Variants in STK32B observed in about 807,000 individuals in gnomAD.
STK32B encodes the protein serine/threonine kinase 32B, also known as serine/threonine-protein kinase 32B.
Under a neutral mutation model 52.6 loss-of-function variants are expected in STK32B, and 43 were observed. The observed-to-expected ratio is 0.82, with a 90% CI of 0.64 to 1.05. STK32B has a LOEUF of 1.05. Ranked by LOEUF, STK32B falls within the 50% of genes least tolerant of loss-of-function variation. The pLI, the probability that STK32B is intolerant of heterozygous loss-of-function variation, is 0.00. For missense variants in STK32B, 621 were observed against 534.6 expected (o/e 1.16, Z -1.59); for synonymous variants, 238 against 204.3 (o/e 1.17, Z -1.41).
intron 4 of STK32B, among the ~76,000 whole-genome samples, chr4:5,361,417 G>C (rs529708547): frequency 6.6e-6 from 1 of 151,988 alleles, no homozygotes; most frequent in Admixed American, 6.6e-5. Flanking sequence ...TGTCATCCAG[G>C]CTGGAGTGCA....
Position 5,489,499 on chromosome 4 carries a change from C to T in STK32B, c.1107-9446C>T, listed in dbSNP as rs541622573. On this transcript the variant is annotated intron_variant, in intron 11 of 11. Transcript: ENST00000282908. ...GGTTCATAGCCTTATGATCTGAAAA[C>T]ATAGAAAAAGCAAAATATAAAACTG... Among the ~76,000 whole-genome samples the T allele has an allele frequency of 1.2e-4, 19 of 152,098 alleles. No individual in the cohort carries two copies. In the South Asian group the frequency reaches 3.7e-3, roughly 30 times the overall value.
At chr4:5,309,966 G>T (rs1266626244) in intron 3 of STK32B, among the ~76,000 whole-genome samples, 5 of 152,140 alleles carry the variant, frequency 3.3e-5, no homozygotes. Flanking sequence ...AGGAATTTGA[G>T]ACCAGCCTGG....
At chr4:5,466,449 G>A (rs1349771369) in intron 9 of STK32B, among the ~76,000 whole-genome samples, 1 of 152,176 alleles carries the variant, frequency 6.6e-6, no homozygotes, top group Non-Finnish European at 1.5e-5. Context: ...GGCATAGAAA[G>A]GGGCCTAAGG....
chr4:5,333,797 C>CA (rs201130307), intron 4 of STK32B, among the ~76,000 whole-genome samples: 3,960 of 152,038 alleles, frequency 0.026, 170 homozygotes, highest in African/African-American at 0.09. Context: ...AGATATGCGG[C>CA]TTATTTCTGA....
chr4:5,386,356 A>G lies in STK32B; in HGVS notation c.435-11851A>G, dbSNP rs964957167. On this transcript the variant is annotated intron_variant, in intron 4 of 11. Transcript: ENST00000282908. The surrounding 1 kb of genome is among the most constrained non-coding windows in gnomAD (Gnocchi z 4.5). ...GCTGGTGTGAGTCCAGAGCCCATGC[A>G]TAGTGCAGGGTGGAAATGGTGGGCC... is the stretch of plus-strand genomic sequence containing the variant. Among the ~76,000 whole-genome samples the G allele has an allele frequency of 2.6e-5, 4 of 152,114 alleles. No individual in the cohort carries two copies. The highest frequency in any genetic ancestry group is 5.9e-5 in the Non-Finnish European group (4 of 68,018).
intron 7 of STK32B, among the ~76,000 whole-genome samples, chr4:5,448,438 C>CT (rs1715671489): frequency 6.6e-6 from 1 of 152,190 alleles, no homozygotes; most frequent in Non-Finnish European, 1.5e-5. Flanking sequence ...CCGCCAGAGG[C>CT]TGTTAATCTT....
chr4:5,387,513 C>A (rs1469894025), intron 4 of STK32B, among the ~76,000 whole-genome samples: 3 of 152,150 alleles, frequency 2.0e-5, no homozygotes, highest in Admixed American at 6.5e-5. Context: ...GAGAGTGATG[C>A]CCAAACTGAG....
At position 5,201,658 on chromosome 4, in the gene STK32B, G is replaced by A. The variant is rs566277577; in HGVS notation, c.260+33208G>A. 2.6e-5 allele frequency among the ~76,000 whole-genome samples: 4 copies of A among 152,320 alleles called. No homozygotes were observed. The South Asian group carries it at 8.3e-4, about 32-fold the overall frequency. ...GTTTAATTGACTCACAGTTACACAT[G>A]GCTGGGGAGGCATCAGGAAACTTAC... On this transcript the variant is annotated intron_variant, in intron 3 of 11. Coordinates refer to ENST00000282908, the MANE Select transcript of STK32B (RefSeq NM_018401.3).
At chr4:5,194,910 G>A (rs1721521256) in intron 3 of STK32B, among the ~76,000 whole-genome samples, 1 of 152,174 alleles carries the variant, frequency 6.6e-6, no homozygotes, top group Non-Finnish European at 1.5e-5. Context: ...CACAAGGACA[G>A]CATCTAGGGG....
chr4:5,231,816 A>G (rs545081059), intron 3 of STK32B, among the ~76,000 whole-genome samples: 1 of 152,278 alleles, frequency 6.6e-6, no homozygotes, highest in East Asian at 1.9e-4. Flanking sequence ...TTGAAGAGAA[A>G]GAGATCAATA....
chr4:5,396,228 T>C lies in STK32B; in HGVS notation c.435-1979T>C, dbSNP rs559536153. On this transcript the variant is annotated intron_variant, in intron 4 of 11. Transcript: ENST00000282908. This position sits in a 1 kb window ranked among gnomAD's most constrained non-coding sequence, Gnocchi z 4.7. ...GGAGGTTCAGGAGAGAATCCGCCCC[T>C]GGCCTGTTCCAGCTCCAGGTGGCTC... Among the ~76,000 whole-genome samples the C allele has an allele frequency of 3.3e-5, 5 of 152,332 alleles. No homozygotes were observed. Among genetic ancestry groups the C allele is most frequent in the African/African-American group, 1.2e-4 (5 of 41,588 alleles).
At chr4:5,129,194 T>G (rs1577088110) in intron 1 of STK32B, among the ~76,000 whole-genome samples, 1 of 152,206 alleles carries the variant, frequency 6.6e-6, no homozygotes, top group Middle Eastern at 3.2e-3. Context: ...CACTCAGGAA[T>G]TTACTTTGGA....
Position 5,295,420 on chromosome 4 carries a change from G to A in STK32B, c.261-35800G>A, listed in dbSNP as rs148099256. ...TATGGTCCTGGACATTTTTTGGTTG[G>A]TAGGCTATTAATTACTGCCTCAATT... On this transcript the variant is annotated intron_variant, in intron 3 of 11. Transcript: ENST00000282908. Among the ~76,000 whole-genome samples the A allele has an allele frequency of 7.8e-4, 118 of 151,464 alleles. No homozygotes were observed. The East Asian group carries it at 0.022, about 28-fold the overall frequency.
At chr4:5,234,370 A>C (rs1435699558) in intron 3 of STK32B, among the ~76,000 whole-genome samples, 1 of 152,198 alleles carries the variant, frequency 6.6e-6, no homozygotes, top group Non-Finnish European at 1.5e-5. Flanking sequence ...AGTTTGGTAA[A>C]ATGGAAGCTG....
chr4:5,112,267 CAG>C (rs1419200237), intron 1 of STK32B, among the ~76,000 whole-genome samples: 3 of 152,094 alleles, frequency 2.0e-5, no homozygotes, highest in Non-Finnish European at 4.4e-5. Context: ...TCCAGAGAAA[CAG>C]AGTCAATAGA....
At chr4:5,337,146 T>C (rs28794857) in intron 4 of STK32B, among the ~76,000 whole-genome samples, 1,695 of 14,416 alleles carry the variant, frequency 0.12, 21 homozygotes, top group South Asian at 0.4. Context: ...CCCTGGCCAA[T>C]TTTTTTTTTT....
chr4:5,419,966 A>C (rs1712485152), intron 6 of STK32B, among the ~76,000 whole-genome samples: 1 of 152,238 alleles, frequency 6.6e-6, no homozygotes, highest in Non-Finnish European at 1.5e-5. Flanking sequence ...TCAGGTACCG[A>C]GCTAAGTGCT....
intron 1 of STK32B, among the ~76,000 whole-genome samples, chr4:5,061,547 G>C (rs1213659481): frequency 6.6e-6 from 1 of 152,094 alleles, no homozygotes; most frequent in Non-Finnish European, 1.5e-5. Flanking sequence ...GTATTACATA[G>C]GAAATAGTAT....
chr4:5,484,072 G>A lies in STK32B; in HGVS notation c.1107-14873G>A, dbSNP rs1344418334. On this transcript the variant is annotated intron_variant, in intron 11 of 11. Coordinates refer to ENST00000282908, the MANE Select transcript of STK32B (RefSeq NM_018401.3). The stretch of plus-strand genomic sequence containing the variant: ...AAAAGAATGTATATTCTGTTGATTT[G>A]GGGTGGAGAGTTCTGTAGATGTCTA... 1.1e-4 allele frequency among the ~76,000 whole-genome samples: 17 copies of A among 152,276 alleles called. No homozygotes were observed. The East Asian group carries it at 3.3e-3, about 29-fold the overall frequency.
Sources: allele counts gnomAD v4.1 joint callset (sites outside exome capture counted in the v4.1 genomes callset), GRCh38; gene constraint gnomAD v4.1.1; non-coding constraint Gnocchi (gnomAD v3.1); transcripts MANE v1.5; gene names NCBI Gene and HGNC (gene_info 2026-07-23, HGNC 2026-07-21).